APOBEC3F: variants seen among roughly 807,000 people sequenced by gnomAD.
The protein encoded by APOBEC3F is apolipoprotein B mRNA editing enzyme catalytic subunit 3F, also known as DNA dC->dU-editing enzyme APOBEC-3F.
A neutral mutation model predicts 45.8 loss-of-function variants in APOBEC3F; 34 were observed. The ratio of observed to expected loss-of-function variants is 0.74; its 90% CI spans 0.57 to 0.99. The LOEUF is 0.99. APOBEC3F is among the 50% of genes least tolerant of loss of function. The pLI is 0.00. For synonymous variants in APOBEC3F, 192 were observed against 174.4 expected (o/e 1.10, Z -0.80); for missense variants, 459 against 474.1 (o/e 0.97, Z 0.30).
rs1165647386 is a variant in APOBEC3F, at chr22:39,049,290, T to C, written c.567-135T>C. On this transcript the variant is annotated intron_variant, in intron 4 of 6. Transcript: ENST00000308521. Reference sequence around the variant, plus strand: ...TGCCCCTGCCAGCATCCCCTCCTCTTTCTCTCTCCCAGTCTTTCTGCCTGG... The same window carrying C: ...TGCCCCTGCCAGCATCCCCTCCTCTCTCTCTCTCCCAGTCTTTCTGCCTGG... 6.2e-6 allele frequency: 7 copies of C among 1,121,920 alleles called. No homozygotes were observed. The East Asian group carries it at 7.2e-5, about 12-fold the overall frequency. The allele number at this position is 1,121,920 out of a possible 1,614,324, so 69.5% of individuals were successfully genotyped here.
chr22:39,052,454 T>G lies in APOBEC3F; in HGVS notation c.1003+101T>G, dbSNP rs547180068. The G allele has an allele frequency of 1.7e-4, 268 of 1,575,760 alleles. No homozygotes were observed. The African/African-American group carries it at 3.2e-3, about 19-fold the overall frequency. The stretch of plus-strand genomic sequence containing the variant: ...GGGCGGGGCAGTGTCCCGGGAAGCC[T>G]GCAGGGATGGCGCCAGTGTCCACTG... On this transcript the variant is annotated intron_variant, in intron 6 of 6. Transcript: ENST00000308521.
Position 39,054,563 on chromosome 22 carries a change from C to G in APOBEC3F, c.*1868C>G, listed in dbSNP as rs1927632476. Among the ~76,000 whole-genome samples, 2 of 152,302 alleles carry G rather than the reference C, an allele frequency of 1.3e-5. No homozygotes were observed. Among genetic ancestry groups the G allele is most frequent in the South Asian group, 4.1e-4 (2 of 4,826 alleles). ...TCTTAAACTCCTGACCTCAAGTGAT[C>G]CAACCTCCTTGGCCTCCCAAATTGC... On this transcript the variant is annotated 3_prime_UTR_variant, in exon 7 of 7. Transcript: ENST00000308521.
At chr22:39,041,107 G>T in intron 1 of APOBEC3F, 130 bp downstream of exon 1, 1 of 1,449,156 alleles carries the variant, frequency 6.9e-7, no homozygotes, top group Non-Finnish European at 9.3e-7. Context: ...TGGCTCCCCT[G>T]CCCCCGCCAC....
At chr22:39,049,631 A>C in intron 5 of APOBEC3F, 50 bp downstream of exon 5, 1 of 1,599,750 alleles carries the variant, frequency 6.3e-7, no homozygotes, top group Non-Finnish European at 8.5e-7. Flanking sequence ...AGCAGCTAGG[A>C]ATGCAGAAAA....
chr22:39,045,605 C>T (rs1268845136), intron 4 of APOBEC3F, 63 bp downstream of exon 4: 22 of 1,608,576 alleles, frequency 1.4e-5, no homozygotes, highest in Non-Finnish European at 1.7e-5. Flanking sequence ...CCTCCTGAGG[C>T]CTCCCCTGGC....
rs1170518097 is a variant in APOBEC3F at position 39,049,385 on chromosome 22, G to C, written c.567-40G>C. On this transcript the variant is annotated intron_variant, in intron 4 of 6. Transcript: ENST00000308521. ...GTGGGCATCAGCTCCGAGGAATCCAGGGGGGTCTCTGCATTGGGGTTTCTC... is the reference window on the plus strand; with the variant it reads ...GTGGGCATCAGCTCCGAGGAATCCACGGGGGTCTCTGCATTGGGGTTTCTC... 1.9e-6 allele frequency: 3 copies of C among 1,605,188 alleles called. No homozygotes were observed. In the Admixed American group the frequency reaches 5.0e-5, roughly 27 times the overall value.
chr22:39,052,988 A>G lies in APOBEC3F; in HGVS notation c.*293A>G, dbSNP rs5757453. On this transcript the variant is annotated 3_prime_UTR_variant, in exon 7 of 7. Transcript: ENST00000308521. ...TCCCATCTCCCCAGCATAACCTAAT[A>G]TTTTTTTTTTTTTTTTGAGACGGAA... 1 of 215,166 alleles carries G rather than the reference A, an allele frequency of 4.6e-6. No homozygotes were observed. The highest frequency in any genetic ancestry group is 8.1e-6 in the Non-Finnish European group (1 of 122,718). 13.3% of individuals were successfully genotyped at this position (215,166 alleles called of 1,614,324 possible). A position where few individuals can be genotyped will look rare whatever the true frequency, so the allele number is the denominator to read the frequency against.
chr22:39,052,439 G>C, intron 6 of APOBEC3F, 86 bp downstream of exon 6: 1 of 1,582,638 alleles, frequency 6.3e-7, no homozygotes, highest in Non-Finnish European at 8.6e-7. Flanking sequence ...GGGCGGGGCA[G>C]TGTCCCGGGA....
rs778599435 is a variant in APOBEC3F, at chr22:39,054,371, A to G, written c.*1676A>G. ...CTAAGCCTCCCAAGTAGCTGGGATTACATGCGCGTGCCACCACGCCTAGCT... is the reference window on the plus strand; with the variant it reads ...CTAAGCCTCCCAAGTAGCTGGGATTGCATGCGCGTGCCACCACGCCTAGCT... On this transcript the variant is annotated 3_prime_UTR_variant, in exon 7 of 7. Transcript: ENST00000308521. Among the ~76,000 whole-genome samples the G allele has an allele frequency of 2.0e-5, 3 of 152,188 alleles. No individual in the cohort carries two copies. The highest frequency in any genetic ancestry group is 6.5e-5 in the Admixed American group (1 of 15,278).
chr22:39,050,513 C>T (rs1308599861), intron 5 of APOBEC3F, among the ~76,000 whole-genome samples: 11 of 135,978 alleles, frequency 8.1e-5, no homozygotes, highest in African/African-American at 1.8e-4. Context: ...AGGATGGAAG[C>T]GCGAGTGTTC....
At chr22:39,049,679 T>G in intron 5 of APOBEC3F, 98 bp downstream of exon 5, 1 of 1,407,054 alleles carries the variant, frequency 7.1e-7, no homozygotes, top group Non-Finnish European at 9.7e-7. Context: ...CTTTCCTGTG[T>G]GTACTTTCCT....
chr22:39,046,106 T>C (rs1426925370), intron 4 of APOBEC3F, among the ~76,000 whole-genome samples: 1 of 152,182 alleles, frequency 6.6e-6, no homozygotes, highest in Admixed American at 6.5e-5. Flanking sequence ...TCCTCTTGGC[T>C]GGCAGGGGGT....
At chr22:39,044,219 G>A (rs368779233) in intron 2 of APOBEC3F, 103 of 1,605,380 alleles carry the variant, frequency 6.4e-5, no homozygotes, top group Non-Finnish European at 8.3e-5. Context: ...AGACCCTAGA[G>A]GGCCAGGCCA....
chr22:39,051,353 C>T (rs980175231), intron 5 of APOBEC3F, among the ~76,000 whole-genome samples: 2 of 149,988 alleles, frequency 1.3e-5, no homozygotes, highest in African/African-American at 2.5e-5. Context: ...CTCGCTAACT[C>T]GGTGAAACCC....
rs11394712 is a variant in APOBEC3F at position 39,055,077 on chromosome 22, C to CT, written c.*2396dup. Among the ~76,000 whole-genome samples the CT allele has an allele frequency of 0.55, 78,583 of 144,124 alleles. 21,653 individuals carry two copies. The highest frequency in any genetic ancestry group is 0.68 in the East Asian group (3,371 of 4,944). The allele number at this position is 144,124 out of a possible 152,430, so 94.6% of individuals were successfully genotyped here. A position where few individuals can be genotyped will look rare whatever the true frequency, so the allele number is the denominator to read the frequency against. ...CTGGGGTCTCTCTGCTTCCAAATAT[C>CT]TTTTTTTTTTTTTTCAGACAGTTTT... On this transcript the variant is annotated 3_prime_UTR_variant, in exon 7 of 7. Coordinates refer to ENST00000308521, the MANE Select transcript of APOBEC3F (RefSeq NM_145298.6).
intron 5 of APOBEC3F, among the ~76,000 whole-genome samples, chr22:39,051,469 G>A (rs1301327977): frequency 3.3e-5 from 5 of 150,498 alleles, no homozygotes; most frequent in Non-Finnish European, 5.9e-5. Context: ...CCCCGGAGGC[G>A]GAGCTTGCAG....
chr22:39,042,210 A>G (rs2146339110), intron 1 of APOBEC3F, among the ~76,000 whole-genome samples: 1 of 152,350 alleles, frequency 6.6e-6, no homozygotes, highest in East Asian at 1.9e-4. Context: ...CGGTTCTACC[A>G]TGATTTAACA....
rs1371775318 is a variant in APOBEC3F at position 39,055,447 on chromosome 22, C to A, written c.*2752C>A. Among the ~76,000 whole-genome samples the A allele has an allele frequency of 6.6e-6, 1 of 151,224 alleles. No homozygotes were observed. Among genetic ancestry groups the A allele is most frequent in the Non-Finnish European group, 1.5e-5 (1 of 67,952 alleles). On this transcript the variant is annotated 3_prime_UTR_variant, in exon 7 of 7. Coordinates refer to ENST00000308521, the MANE Select transcript of APOBEC3F (RefSeq NM_145298.6). ...TAAATAGCAGAATCACTGCTCACTG[C>A]AACCTCTGCCTGCTGGGTTCAAGCA...
rs34824408 is a variant in APOBEC3F, at chr22:39,045,378, G to A, written c.452-50G>A. 4.3e-5 allele frequency: 70 copies of A among 1,613,270 alleles called. No individual in the cohort carries two copies. In the Admixed American group the frequency reaches 7.3e-4, roughly 17 times the overall value. Reference sequence around the variant, plus strand: ...GCCAGGAGACCAGGCCTGGGAGCGCGGGCCCAGGGTCAGGGCAGAGCCTGA... The same window carrying A: ...GCCAGGAGACCAGGCCTGGGAGCGCAGGCCCAGGGTCAGGGCAGAGCCTGA... On this transcript the variant is annotated intron_variant, in intron 3 of 6. Transcript: ENST00000308521.
Sources: allele counts gnomAD v4.1 joint callset (sites outside exome capture counted in the v4.1 genomes callset), GRCh38; gene constraint gnomAD v4.1.1; transcripts MANE v1.5; gene names NCBI Gene and HGNC (gene_info 2026-07-23, HGNC 2026-07-21).